SNUPN: variants seen among roughly 807,000 people sequenced by gnomAD.
SNUPN encodes snurportin 1, also known as snurportin-1.
In SNUPN, 31 loss-of-function variants were observed where a neutral mutation model predicts 39.2. That is an observed-to-expected ratio of 0.79 (90% CI 0.59 to 1.07). SNUPN has a LOEUF of 1.07. Among genes scored for constraint, SNUPN ranks in the 50% least tolerant of loss-of-function variants. The pLI is 0.00. For missense variants in SNUPN, 382 were observed against 434.2 expected, an observed-to-expected ratio of 0.88 and a Z score of 1.07; for synonymous variants, 132 against 159.0, an observed-to-expected ratio of 0.83 and a Z score of 1.28.
At chr15:75,609,464 C>T (rs1287839466) in intron 5 of SNUPN, 94 bp downstream of exon 5, 32 of 901,782 alleles carry the variant, frequency 3.5e-5, no homozygotes, top group Admixed American at 3.0e-4. Flanking sequence ...GCTGGGATTA[C>T]AGGCGTGAGC....
intron 1 of SNUPN, among the ~76,000 whole-genome samples, chr15:75,623,870 C>G (rs950058969): frequency 2.0e-5 from 3 of 151,512 alleles, no homozygotes; most frequent in African/African-American, 7.3e-5. Flanking sequence ...GGTATGTATG[C>G]TATTGTCTCT....
intron 8 of SNUPN, chr15:75,600,901 A>G (rs1595980867): frequency 2.4e-6 from 1 of 424,160 alleles, no homozygotes; most frequent in East Asian, 4.6e-5. Flanking sequence ...CTGTAAGATG[A>G]GGGAGTTGGA....
chr15:75,602,543 T>A (rs867217066), intron 7 of SNUPN, among the ~76,000 whole-genome samples: 3,227 of 130,008 alleles, frequency 0.025, 117 homozygotes, highest in African/African-American at 0.083. Context: ...AAAAAAAAAA[T>A]ATTACTGATG....
chr15:75,621,225 T>C (rs185552130), intron 1 of SNUPN, among the ~76,000 whole-genome samples, 169 bp from the exon 2 acceptor site: 1 of 151,922 alleles, frequency 6.6e-6, no homozygotes, highest in African/African-American at 2.4e-5. Flanking sequence ...AAATGAGTCA[T>C]ATATTAGCAA....
chr15:75,619,468 C>T (rs1046993172), intron 2 of SNUPN, among the ~76,000 whole-genome samples: 1 of 151,734 alleles, frequency 6.6e-6, no homozygotes, highest in Admixed American at 6.6e-5. Context: ...ATAGGGAGAC[C>T]CTGTTCCTAC....
chr15:75,602,452 G>A (rs1421377029), intron 7 of SNUPN, among the ~76,000 whole-genome samples: 3 of 151,604 alleles, frequency 2.0e-5, no homozygotes, highest in African/African-American at 7.3e-5. Flanking sequence ...CTTGAACCTG[G>A]GAGGCGGAGG....
Position 75,598,584 on chromosome 15 carries a change from A to G in SNUPN, c.857T>C (p.Leu286Pro), listed in dbSNP as rs777678016. The change falls in exon 9 of 9, where the codon CTT (leucine) becomes CCT (proline). Residue 286 changes from leucine to proline, a missense_variant. By Grantham distance (98) the Leu-to-Pro change is moderately conservative. Coordinates refer to ENST00000308588, the MANE Select transcript of SNUPN (RefSeq NM_005701.4). The part of the protein sequence containing the change: ...WLRPYMVSDV[L>P]GVAVPAGPLT... ...CGGGCCAGCCGGCACAGCTACACCA[A>G]GGACATCTGACACCATGTAGGGGCG... The G allele has an allele frequency of 4.3e-6, 7 of 1,614,122 alleles. No individual in the cohort carries two copies. In the African/African-American group the frequency reaches 8.0e-5, roughly 18 times the overall value.
At chr15:75,610,195 C>G (rs1892741974) in intron 3 of SNUPN, among the ~76,000 whole-genome samples, 1 of 151,760 alleles carries the variant, frequency 6.6e-6, no homozygotes, top group African/African-American at 2.4e-5. Context: ...GTCAGGAGTT[C>G]AAGACCAGCC....
intron 1 of SNUPN, chr15:75,625,448 A>G (rs1226714212): frequency 1.3e-5 from 2 of 151,504 alleles, no homozygotes; most frequent in African/African-American, 4.9e-5. Flanking sequence ...GCCATGCATG[A>G]TTCGCCCCTG....
At chr15:75,601,443 CA>C (rs1205440870) in intron 7 of SNUPN, among the ~76,000 whole-genome samples, 2 of 152,036 alleles carry the variant, frequency 1.3e-5, no homozygotes, top group African/African-American at 4.8e-5. Flanking sequence ...GGCATAGTGG[CA>C]TGTGCCTGTA....
chr15:75,603,489 G>A (rs1595982009), intron 7 of SNUPN, among the ~76,000 whole-genome samples: 2 of 149,912 alleles, frequency 1.3e-5, no homozygotes, highest in South Asian at 2.1e-4. Context: ...GTGAAACCCC[G>A]TCTCTACTAA....
At chr15:75,618,529 GA>G (rs1045175677) in intron 2 of SNUPN, among the ~76,000 whole-genome samples, 4 of 150,200 alleles carry the variant, frequency 2.7e-5, no homozygotes, top group African/African-American at 9.8e-5. Flanking sequence ...AAACTGAAAA[GA>G]AAAAAAAAGA....
chr15:75,615,418 C>G (rs1269945113), intron 3 of SNUPN, among the ~76,000 whole-genome samples: 1 of 152,116 alleles, frequency 6.6e-6, no homozygotes, highest in African/African-American at 2.4e-5. Flanking sequence ...CCATATACTC[C>G]TTTCTGGCTT....
chr15:75,621,081 G>T, intron 1 of SNUPN, 25 bp from the exon 2 acceptor site: 1 of 1,611,886 alleles, frequency 6.2e-7, no homozygotes, highest in South Asian at 1.1e-5. Flanking sequence ...GTAAGAAAAT[G>T]GTTCATTCAT....
rs748034202 is a variant in SNUPN, at chr15:75,621,069, A to G, written c.-5-13T>C. 104 of 1,613,306 alleles carry G rather than the reference A, an allele frequency of 6.4e-5. No homozygotes were observed. In the East Asian group the frequency reaches 2.2e-3, roughly 35 times the overall value. ...TCTTCCATCTTCCCTACAAAGGAAA[A>G]CGTAAGAAAATGGTTCATTCATTTC... On this transcript the variant is annotated splice_polypyrimidine_tract_variant and intron_variant, in intron 1 of 8. Transcript: ENST00000308588.
Position 75,604,759 on chromosome 15 carries a change from T to A in SNUPN, c.678+391A>T, listed in dbSNP as rs535935489. On this transcript the variant is annotated intron_variant, in intron 7 of 8. Coordinates refer to ENST00000308588, the MANE Select transcript of SNUPN (RefSeq NM_005701.4). The stretch of plus-strand genomic sequence containing the variant: ...TTTAGTTATTATTACTTCAATAGGT[T>A]TTTGGGGAAGAGGTAGTGTTTGGTT... Among the ~76,000 whole-genome samples the A allele has an allele frequency of 7.9e-5, 12 of 152,236 alleles. 1 individual carries two copies. The South Asian group carries it at 2.5e-3, about 32-fold the overall frequency.
At chr15:75,599,586 A>G (rs1179586878) in intron 8 of SNUPN, among the ~76,000 whole-genome samples, 1 of 152,238 alleles carries the variant, frequency 6.6e-6, no homozygotes, top group Non-Finnish European at 1.5e-5. Context: ...TCTGGGAAAC[A>G]GTTTTTCTCA....
chr15:75,601,614 A>G (rs2075287812), intron 7 of SNUPN, among the ~76,000 whole-genome samples: 1 of 151,968 alleles, frequency 6.6e-6, no homozygotes, highest in Non-Finnish European at 1.5e-5. Context: ...GTCAAAGAAG[A>G]AAAACTTGTA....
In SNUPN at chr15:75,598,505, G is replaced by A; in HGVS notation, c.936C>T (p.His312=). The part of the protein sequence containing the change: ...AGHQLQQIME[H]KKSQKEGMKE... ...TCATGCCTTCCTTCTGGCTCTTCTTGTGCTCCATAATCTGCTGGAGCTGGT... is the reference window on the plus strand; with the variant it reads ...TCATGCCTTCCTTCTGGCTCTTCTTATGCTCCATAATCTGCTGGAGCTGGT... The change falls in exon 9 of 9, where the codon CAC becomes CAT. Residue 312 remains histidine, a synonymous_variant. Coordinates refer to ENST00000308588, the MANE Select transcript of SNUPN (RefSeq NM_005701.4). The A allele has an allele frequency of 6.2e-7, 1 of 1,614,094 alleles. No individual in the cohort carries two copies. The highest frequency in any genetic ancestry group is 8.5e-7 in the Non-Finnish European group (1 of 1,180,034).
Sources: allele counts gnomAD v4.1 joint callset (sites outside exome capture counted in the v4.1 genomes callset), GRCh38; gene constraint gnomAD v4.1.1; transcripts MANE v1.5; gene names NCBI Gene and HGNC (gene_info 2026-07-23, HGNC 2026-07-21).